DNAAF4: variants seen among roughly 807,000 people sequenced by gnomAD.
The protein encoded by DNAAF4 is dynein axonemal assembly factor 4, also known as dynein assembly factor 4, axonemal.
A neutral mutation model predicts 51.8 loss-of-function variants in DNAAF4; 43 were observed. The observed-to-expected ratio is 0.83, with a 90% confidence interval of 0.65 to 1.07. DNAAF4 has a LOEUF of 1.07. DNAAF4 is among the 50% of genes least tolerant of loss of function. The pLI is 0.00. For missense variants in DNAAF4, 581 were observed against 493.0 expected (o/e 1.18, Z -1.69); for synonymous variants, 194 against 165.6 (o/e 1.17, Z -1.32).
At chr15:55,498,186 A>C in intron 2 of DNAAF4, 21 bp downstream of exon 2, 1 of 1,614,056 alleles carries the variant, frequency 6.2e-7, no homozygotes. Flanking sequence ...GGAGACCGGC[A>C]GGCAAGACTT....
chr15:55,434,623 A>C (rs1326942099), intron 8 of DNAAF4, among the ~76,000 whole-genome samples: 1 of 152,126 alleles, frequency 6.6e-6, no homozygotes, highest in Non-Finnish European at 1.5e-5. Flanking sequence ...GCTTGAGCCC[A>C]GGAGTTCGAG....
At chr15:55,421,679 G>A (rs2057389348) in intron 7 of DNAAF4, among the ~76,000 whole-genome samples, 1 of 151,666 alleles carries the variant, frequency 6.6e-6, no homozygotes, top group Admixed American at 6.6e-5. Context: ...CTAAGGTCAG[G>A]AGTTCAAGAC....
intron 4 of DNAAF4, among the ~76,000 whole-genome samples, chr15:55,476,153 T>G (rs188197310): frequency 6.6e-6 from 1 of 152,294 alleles, no homozygotes; most frequent in East Asian, 1.9e-4. Context: ...AGACCTGCTC[T>G]ATAAGATACA....
At chr15:55,468,489 AG>A (rs2058201687) in intron 4 of DNAAF4, among the ~76,000 whole-genome samples, 1 of 152,096 alleles carries the variant, frequency 6.6e-6, no homozygotes, top group Non-Finnish European at 1.5e-5. Flanking sequence ...AGATTGAACC[AG>A]GAAGAATCTA....
intron 2 of DNAAF4, 26 bp downstream of exon 2, chr15:55,498,181 C>T: frequency 6.2e-7 from 1 of 1,614,100 alleles, no homozygotes; most frequent in Non-Finnish European, 8.5e-7. Context: ...CCCCCGGAGA[C>T]CGGCAGGCAA....
chr15:55,428,875 T>A (rs2057458257), downstream of DNAAF4, among the ~76,000 whole-genome samples: 1 of 152,090 alleles, frequency 6.6e-6, no homozygotes, highest in Admixed American at 6.6e-5. Context: ...AATCTTTATA[T>A]AAGATGCTGC....
intron 5 of DNAAF4, among the ~76,000 whole-genome samples, chr15:55,460,436 T>A (rs988402808): frequency 2.0e-5 from 3 of 152,056 alleles, no homozygotes; most frequent in African/African-American, 7.2e-5. Context: ...CGCCTCGGCC[T>A]CCCAAAGTGC....
At chr15:55,430,287 G>T (rs1010451340), downstream of DNAAF4, 1 of 666,288 alleles carries the variant, frequency 1.5e-6, no homozygotes, top group African/African-American at 2.0e-5. Context: ...CAATTAAATG[G>T]TATATTAATA....
chr15:55,418,233 G>A (rs1330261397), intron 7 of DNAAF4: 8 of 1,573,806 alleles, frequency 5.1e-6, no homozygotes, highest in Non-Finnish European at 6.9e-6. Flanking sequence ...GATAAGAAAA[G>A]TACTTCACCT....
chr15:55,435,780 T>C (rs1257021955), intron 7 of DNAAF4, among the ~76,000 whole-genome samples: 1 of 152,120 alleles, frequency 6.6e-6, no homozygotes, highest in Non-Finnish European at 1.5e-5. Flanking sequence ...GCAAAGTCTT[T>C]GCTTTTTTTT....
intron 7 of DNAAF4, among the ~76,000 whole-genome samples, chr15:55,437,740 T>C (rs1318866814): frequency 6.6e-6 from 1 of 152,098 alleles, no homozygotes; most frequent in African/African-American, 2.4e-5. Context: ...AATCAGTGGC[T>C]GGGGAGCCAC....
chr15:55,433,156 C>T (rs1209803207), intron 8 of DNAAF4, among the ~76,000 whole-genome samples: 1 of 151,862 alleles, frequency 6.6e-6, no homozygotes, highest in Non-Finnish European at 1.5e-5. Context: ...TTAAACTAGC[C>T]AGATGTGGTA....
intron 4 of DNAAF4, among the ~76,000 whole-genome samples, chr15:55,478,386 C>T (rs1389327359): frequency 2.0e-5 from 3 of 152,182 alleles, no homozygotes; most frequent in African/African-American, 7.2e-5. Context: ...GGCACTGCTA[C>T]AATTTAAGCA....
chr15:55,502,687 G>A (rs951764307), intron 1 of DNAAF4, among the ~76,000 whole-genome samples: 1 of 152,020 alleles, frequency 6.6e-6, no homozygotes, highest in Non-Finnish European at 1.5e-5. Flanking sequence ...GGTAAATATC[G>A]AAATGAAGGC....
At chr15:55,487,466 G>T (rs997746557) in intron 4 of DNAAF4, among the ~76,000 whole-genome samples, 9 of 152,156 alleles carry the variant, frequency 5.9e-5, no homozygotes, top group Non-Finnish European at 1.0e-4. Context: ...AATAAAAGCT[G>T]GCCACCCCAG....
chr15:55,479,866 T>G (rs1037205702), intron 4 of DNAAF4, among the ~76,000 whole-genome samples: 2 of 152,168 alleles, frequency 1.3e-5, no homozygotes, highest in Non-Finnish European at 2.9e-5. Flanking sequence ...CGTAAATTTG[T>G]GGTCAGACCA....
intron 4 of DNAAF4, among the ~76,000 whole-genome samples, chr15:55,478,286 A>G (rs1025396121): frequency 6.6e-6 from 1 of 152,230 alleles, no homozygotes. Context: ...TAACCTGCCA[A>G]TTTGAAAAAC....
chr15:55,468,608 T>C (rs904596259), intron 4 of DNAAF4, among the ~76,000 whole-genome samples: 28 of 152,158 alleles, frequency 1.8e-4, no homozygotes, highest in African/African-American at 6.8e-4. Context: ...AGCCTAATTA[T>C]ATGTCTGCCT....
In DNAAF4 at chr15:55,452,361, T is replaced by G. The variant is rs1340845983; in HGVS notation, c.638-1994A>C. ...GATTACTAATAATACTAATGATTAA[T>G]ACGATATAGAACATGCAGGAAATCA... On this transcript the variant is annotated intron_variant, in intron 5 of 9. Coordinates refer to ENST00000321149, the MANE Select transcript of DNAAF4 (RefSeq NM_130810.4). 2.0e-5 allele frequency among the ~76,000 whole-genome samples: 3 copies of G among 150,532 alleles called. No individual in the cohort carries two copies. In the East Asian group the frequency reaches 5.9e-4, roughly 29 times the overall value.
Sources: gnomAD v4.1 joint callset for allele counts (sites outside exome capture counted in the v4.1 genomes callset) on GRCh38, gnomAD v4.1.1 for gene constraint, MANE v1.5 for transcripts, NCBI Gene and HGNC (gene_info 2026-07-23, HGNC 2026-07-21) for gene names.